METTL8: variants seen among roughly 807,000 people sequenced by gnomAD.
The protein encoded by METTL8 is methyltransferase 8, tRNA N3-cytidine.
A neutral mutation model predicts 48.7 loss-of-function variants in METTL8; 32 were observed. The ratio of observed to expected loss-of-function variants is 0.66; its 90% CI spans 0.50 to 0.88. The LOEUF is 0.88. Among genes scored for constraint, METTL8 ranks in the 40% least tolerant of loss-of-function variants. METTL8 has a pLI of 0.00. For missense variants in METTL8, 464 were observed against 474.4 expected (o/e 0.98, Z 0.20); for synonymous variants, 136 against 157.1 (o/e 0.87, Z 1.01).
intron 1 of METTL8, among the ~76,000 whole-genome samples, chr2:171,418,008 A>G (rs1007309824): frequency 3.9e-5 from 6 of 152,124 alleles, no homozygotes; most frequent in Non-Finnish European, 8.8e-5. Flanking sequence ...CAGTGGCGCA[A>G]TCTCGGCTCA....
At chr2:171,348,159 T>C (rs753419309) in intron 3 of METTL8, among the ~76,000 whole-genome samples, 17 of 152,208 alleles carry the variant, frequency 1.1e-4, no homozygotes, top group Non-Finnish European at 2.1e-4. Flanking sequence ...ACCAGTGGGA[T>C]TAGTGATCTT....
chr2:171,333,260 G>A (rs1321533633), intron 5 of METTL8, among the ~76,000 whole-genome samples: 4 of 151,864 alleles, frequency 2.6e-5, no homozygotes, highest in African/African-American at 7.3e-5. Context: ...TACCACGGCC[G>A]GCTAATTTTG....
intron 5 of METTL8, among the ~76,000 whole-genome samples, chr2:171,334,222 A>T (rs952603734): frequency 1.3e-5 from 2 of 152,228 alleles, no homozygotes; most frequent in Non-Finnish European, 2.9e-5. Flanking sequence ...TACCCATAAG[A>T]TATAGAACAG....
chr2:171,359,815 T>A (rs1351128460), intron 3 of METTL8, among the ~76,000 whole-genome samples: 5 of 152,126 alleles, frequency 3.3e-5, no homozygotes. Context: ...GTTTTCTCGA[T>A]CTCTTGACCT....
chr2:171,384,823 T>C (rs2105541693), intron 2 of METTL8, among the ~76,000 whole-genome samples: 1 of 152,234 alleles, frequency 6.6e-6, no homozygotes, highest in East Asian at 1.9e-4. Context: ...CAGAGCAAGA[T>C]GCTGTCTTTA....
chr2:171,371,454 T>G (rs1226390923), intron 2 of METTL8, among the ~76,000 whole-genome samples: 2 of 152,218 alleles, frequency 1.3e-5, no homozygotes, highest in Non-Finnish European at 2.9e-5. Flanking sequence ...CCTCCCAGGT[T>G]CAAGTGATTC....
At chr2:171,363,815 T>TATATATATATATATATATA (rs55780524) in intron 2 of METTL8, among the ~76,000 whole-genome samples, 1 of 136,816 alleles carries the variant, frequency 7.3e-6, no homozygotes, top group Non-Finnish European at 1.6e-5. Context: ...TATATATATA[T>TATATATATATATATATATA]CTTTTTTTTT....
At chr2:171,363,485 C>G (rs977227881) in intron 2 of METTL8, among the ~76,000 whole-genome samples, 1 of 151,424 alleles carries the variant, frequency 6.6e-6, no homozygotes, top group Non-Finnish European at 1.5e-5. Context: ...GTAATAAAAA[C>G]CAAAGGAAAA....
At chr2:171,344,623 T>C (rs763959618) in intron 3 of METTL8, among the ~76,000 whole-genome samples, 8 of 152,226 alleles carry the variant, frequency 5.3e-5, no homozygotes, top group Non-Finnish European at 8.8e-5. Context: ...CATGCAGTTA[T>C]ATGATGAAAT....
intron 5 of METTL8, among the ~76,000 whole-genome samples, chr2:171,334,195 G>A (rs1290847212): frequency 6.6e-6 from 1 of 152,102 alleles, no homozygotes; most frequent in Non-Finnish European, 1.5e-5. Context: ...GTCTACCTTT[G>A]GGCAGTAGTT....
chr2:171,418,244 T>C (rs2105646006), intron 1 of METTL8, among the ~76,000 whole-genome samples: 1 of 152,266 alleles, frequency 6.6e-6, no homozygotes, highest in East Asian at 1.9e-4. Context: ...CACCCGGCCA[T>C]GTCATCATAT....
intron 2 of METTL8, among the ~76,000 whole-genome samples, chr2:171,373,267 C>A (rs1350218330): frequency 1.3e-5 from 2 of 152,180 alleles, no homozygotes; most frequent in Non-Finnish European, 2.9e-5. Flanking sequence ...TGTCTGTCGG[C>A]TGCATAAATG....
At chr2:171,361,976 G>A (rs1369931727) in intron 2 of METTL8, among the ~76,000 whole-genome samples, 1 of 152,068 alleles carries the variant, frequency 6.6e-6, no homozygotes, top group African/African-American at 2.4e-5. Flanking sequence ...TTGGGTTCAG[G>A]TTAGGAGGAA....
chr2:171,389,976 C>T (rs566324613), intron 2 of METTL8, among the ~76,000 whole-genome samples: 1 of 152,314 alleles, frequency 6.6e-6, no homozygotes, highest in African/African-American at 2.4e-5. Flanking sequence ...AAGGAGAAGT[C>T]AATGCCTGGC....
At chr2:171,387,459 G>A (rs188580451) in intron 2 of METTL8, among the ~76,000 whole-genome samples, 3 of 152,098 alleles carry the variant, frequency 2.0e-5, no homozygotes, top group Admixed American at 1.3e-4. Flanking sequence ...GAACCTGGGA[G>A]GCAGAGGTTG....
intron 1 of METTL8, among the ~76,000 whole-genome samples, chr2:171,396,265 G>GAATA (rs56295899): frequency 0.011 from 1,650 of 151,090 alleles, 12 homozygotes; most frequent in South Asian, 0.028. Context: ...CTGTCTCAAT[G>GAATA]AATAAATAAA....
chr2:171,323,215 A>T lies in METTL8; in HGVS notation c.*957T>A, dbSNP rs1684620302. The stretch of plus-strand genomic sequence containing the variant: ...AAAGCCCTTGATACAAGAGCTTGTC[A>T]GCTTACATACCTTTTTTTTTTTTTT... On this transcript the variant is annotated 3_prime_UTR_variant, in exon 10 of 10. Coordinates refer to ENST00000375258, the MANE Select transcript of METTL8 (RefSeq NM_001321154.2). 1 of 145,766 alleles carries T rather than the reference A, an allele frequency of 6.9e-6. No homozygotes were observed. Among genetic ancestry groups the T allele is most frequent in the African/African-American group, 2.5e-5 (1 of 39,648 alleles). The allele number at this position is 145,766 out of a possible 1,614,324, so 9.0% of individuals were successfully genotyped here.
intron 3 of METTL8, among the ~76,000 whole-genome samples, chr2:171,360,211 CAAT>C (rs1685017902): frequency 6.6e-6 from 1 of 152,142 alleles, no homozygotes; most frequent in South Asian, 2.1e-4. Context: ...CCAGAAAAAG[CAAT>C]AATATGACTA....
chr2:171,328,304 G>A (rs75474801), intron 7 of METTL8, among the ~76,000 whole-genome samples: 2,872 of 152,286 alleles, frequency 0.019, 87 homozygotes, highest in African/African-American at 0.065. Flanking sequence ...TCAGTGACAA[G>A]AAGGACAATT....
Sources: allele counts gnomAD v4.1 joint callset (sites outside exome capture counted in the v4.1 genomes callset), GRCh38; gene constraint gnomAD v4.1.1; transcripts MANE v1.5; gene names NCBI Gene and HGNC (gene_info 2026-07-23, HGNC 2026-07-21).